ROBO2: variants seen among roughly 807,000 people sequenced by gnomAD.
ROBO2 encodes the protein roundabout guidance receptor 2.
A neutral mutation model predicts 160.8 loss-of-function variants in ROBO2; 53 were observed. The observed-to-expected ratio is 0.33, with a 90% CI of 0.26 to 0.41. ROBO2 has a LOEUF of 0.41. Ranked by LOEUF, ROBO2 falls within the 10% of genes least tolerant of loss-of-function variation. The pLI, the probability that ROBO2 is intolerant of heterozygous loss-of-function variation, is 1.00. For synonymous variants in ROBO2, 664 were observed against 611.7 expected, an observed-to-expected ratio of 1.09 and a Z score of -1.26; for missense variants, 1,577 against 1,722.4, an observed-to-expected ratio of 0.92 and a Z score of 1.49.
intron 2 of ROBO2, among the ~76,000 whole-genome samples, chr3:77,155,390 T>C (rs1025700698): frequency 1.3e-5 from 2 of 151,976 alleles, no homozygotes; most frequent in African/African-American, 2.4e-5. Context: ...CAGAGTCATC[T>C]GATATGAGAA....
At chr3:76,810,335 A>T (rs542579548) in intron 2 of ROBO2, among the ~76,000 whole-genome samples, 35 of 152,258 alleles carry the variant, frequency 2.3e-4, no homozygotes, top group African/African-American at 7.9e-4. Context: ...AAACTTTTTG[A>T]TTATTTATAG....
chr3:76,745,329 T>C (rs9816325), intron 2 of ROBO2, among the ~76,000 whole-genome samples: 2 of 152,164 alleles, frequency 1.3e-5, no homozygotes, highest in Non-Finnish European at 2.9e-5. Context: ...TTACTCCAGG[T>C]TCTTTGATTG....
chr3:77,456,949 ATCT>A (rs2081712488), intron 2 of ROBO2, among the ~76,000 whole-genome samples: 2 of 152,142 alleles, frequency 1.3e-5, no homozygotes, highest in South Asian at 4.1e-4. Flanking sequence ...CCATTTACAC[ATCT>A]TCTTTCTGTC....
chr3:76,144,309 A>T (rs2106787838), intron 2 of ROBO2, among the ~76,000 whole-genome samples: 1 of 152,154 alleles, frequency 6.6e-6, no homozygotes, highest in East Asian at 1.9e-4. Flanking sequence ...GAAAAAAATG[A>T]TAGGCCTCGA....
At chr3:76,451,580 G>A (rs190174871) in intron 2 of ROBO2, among the ~76,000 whole-genome samples, 1 of 152,254 alleles carries the variant, frequency 6.6e-6, no homozygotes, top group Non-Finnish European at 1.5e-5. Context: ...TGCTCCAGGT[G>A]AATGGGGGAC....
chr3:76,735,600 A>G (rs769373278), intron 2 of ROBO2, among the ~76,000 whole-genome samples: 11 of 151,784 alleles, frequency 7.2e-5, no homozygotes, highest in Non-Finnish European at 1.5e-4. Context: ...CATCTCTACT[A>G]AAAACACAAA....
At chr3:77,441,049 G>A (rs1434037808) in intron 2 of ROBO2, among the ~76,000 whole-genome samples, 2 of 152,056 alleles carry the variant, frequency 1.3e-5, no homozygotes, top group Non-Finnish European at 2.9e-5. Flanking sequence ...GAAAGACAAT[G>A]TCCAAGGGAA....
intron 24 of ROBO2, among the ~76,000 whole-genome samples, chr3:77,640,510 G>C (rs1389685692): frequency 6.6e-6 from 1 of 152,160 alleles, no homozygotes; most frequent in East Asian, 1.9e-4. Flanking sequence ...TGTAGCTCTG[G>C]TTACATGAGT....
At chr3:77,189,573 C>T (rs767893552) in intron 2 of ROBO2, among the ~76,000 whole-genome samples, 2 of 151,714 alleles carry the variant, frequency 1.3e-5, no homozygotes, top group Admixed American at 6.6e-5. Context: ...TCTTGAACAC[C>T]GAGTTTATTC....
intron 2 of ROBO2, among the ~76,000 whole-genome samples, chr3:76,972,550 CT>C: frequency 6.6e-6 from 1 of 152,010 alleles, no homozygotes; most frequent in South Asian, 2.1e-4. Context: ...TATAAGTGAT[CT>C]TTTTTTCACA....
At chr3:77,217,502 G>C (rs1560264439) in intron 2 of ROBO2, among the ~76,000 whole-genome samples, 2 of 152,124 alleles carry the variant, frequency 1.3e-5, no homozygotes, top group Non-Finnish European at 1.5e-5. Flanking sequence ...ACCTGATTTA[G>C]CCATGTAACA....
intron 2 of ROBO2, among the ~76,000 whole-genome samples, chr3:76,363,160 T>G (rs2075619400): frequency 6.6e-6 from 1 of 151,980 alleles, no homozygotes; most frequent in East Asian, 2.0e-4. Flanking sequence ...TTTATATAGC[T>G]TCTTCCCCTT....
intron 5 of ROBO2, among the ~76,000 whole-genome samples, chr3:77,512,022 C>T (rs1204824413): frequency 6.6e-6 from 1 of 151,942 alleles, no homozygotes; most frequent in Non-Finnish European, 1.5e-5. Flanking sequence ...AAACTGTGAA[C>T]ATTAGCCTGC....
chr3:77,128,929 A>G (rs1421285186), intron 2 of ROBO2, among the ~76,000 whole-genome samples: 1 of 152,076 alleles, frequency 6.6e-6, no homozygotes, highest in African/African-American at 2.4e-5. Flanking sequence ...TTCCTTGGAT[A>G]TTTTCCTTTG....
At chr3:76,844,382 GT>G (rs2068584752) in intron 2 of ROBO2, among the ~76,000 whole-genome samples, 1 of 151,968 alleles carries the variant, frequency 6.6e-6, no homozygotes, top group African/African-American at 2.4e-5. Context: ...ATCTATGTAT[GT>G]AGTAAGCCAC....
intron 2 of ROBO2, among the ~76,000 whole-genome samples, chr3:77,210,201 A>C (rs2151089038): frequency 6.6e-6 from 1 of 151,880 alleles, no homozygotes; most frequent in South Asian, 2.1e-4. Context: ...ACATTTGTAC[A>C]AATATCTCAA....
chr3:77,517,721 G>A (rs1208664808), intron 5 of ROBO2, among the ~76,000 whole-genome samples: 1 of 151,456 alleles, frequency 6.6e-6, no homozygotes, highest in Non-Finnish European at 1.5e-5. Flanking sequence ...TTCATCAGAT[G>A]TAAATGGCAC....
intron 2 of ROBO2, among the ~76,000 whole-genome samples, chr3:76,718,959 C>T (rs1024958710): frequency 2.6e-5 from 4 of 152,126 alleles, no homozygotes; most frequent in African/African-American, 9.7e-5. Flanking sequence ...TTCAACAAAG[C>T]ACGGACATAT....
intron 6 of ROBO2, among the ~76,000 whole-genome samples, chr3:77,526,763 T>C (rs1276470813): frequency 6.6e-6 from 1 of 151,468 alleles, no homozygotes; most frequent in African/African-American, 2.4e-5. Flanking sequence ...AATCAACTTG[T>C]CAGTCATTGT....
Sources: gnomAD v4.1 joint callset for allele counts (sites outside exome capture counted in the v4.1 genomes callset) on GRCh38, gnomAD v4.1.1 for gene constraint, MANE v1.5 for transcripts, NCBI Gene and HGNC (gene_info 2026-07-23, HGNC 2026-07-21) for gene names.